MB21D2: variants seen among roughly 807,000 people sequenced by gnomAD.
The protein encoded by MB21D2 is nucleotidyltransferase MB21D2.
MB21D2 carries 9 observed loss-of-function variants against 33.3 expected under a neutral mutation model. The observed-to-expected ratio is 0.27, with a 90% CI of 0.16 to 0.47. The LOEUF is 0.47. MB21D2 is among the 20% of genes least tolerant of loss of function. The pLI is 0.99. For missense variants in MB21D2, 540 were observed against 624.6 expected, an observed-to-expected ratio of 0.86 and a Z score of 1.44; for synonymous variants, 241 against 236.3, an observed-to-expected ratio of 1.02 and a Z score of -0.18.
intron 1 of MB21D2, 52 bp downstream of exon 1, chr3:192,917,578 C>T: frequency 6.3e-7 from 1 of 1,592,786 alleles, no homozygotes; most frequent in Non-Finnish European, 8.6e-7. Flanking sequence ...TTCTACTCCG[C>T]TTCCCATCAC....
At chr3:192,856,569 C>G (rs1712922316) in intron 1 of MB21D2, among the ~76,000 whole-genome samples, 1 of 151,598 alleles carries the variant, frequency 6.6e-6, no homozygotes, top group African/African-American at 2.4e-5. Context: ...TGTTTTTTTT[C>G]TCTTAAGACA....
chr3:192,827,087 G>A (rs1015735661), intron 1 of MB21D2, among the ~76,000 whole-genome samples: 6 of 151,846 alleles, frequency 4.0e-5, no homozygotes, highest in African/African-American at 1.5e-4. Flanking sequence ...TAGTAGAGAC[G>A]GGGTTTCACC....
At chr3:192,913,152 C>T (rs1714389832) in intron 1 of MB21D2, among the ~76,000 whole-genome samples, 2 of 152,178 alleles carry the variant, frequency 1.3e-5, no homozygotes, top group African/African-American at 4.8e-5. Flanking sequence ...TCCCAGCACT[C>T]TGGGAGGTCA....
chr3:192,908,486 C>T (rs1468752160), intron 1 of MB21D2, among the ~76,000 whole-genome samples: 1 of 151,506 alleles, frequency 6.6e-6, no homozygotes, highest in East Asian at 1.9e-4. Context: ...GCAAGCTCCG[C>T]CTCCTGGGTT....
In MB21D2 at chr3:192,904,526, CTGCGGTTCTTAAAG is replaced by C. The variant is rs528969459; in HGVS notation, c.211+13090_211+13103del. Among the ~76,000 whole-genome samples the C allele has an allele frequency of 2.1e-3, 322 of 152,348 alleles. 2 individuals carry two copies. Among genetic ancestry groups the C allele is most frequent in the African/African-American group, 7.5e-3 (310 of 41,580 alleles). ...CAGACCCTCGGCCCCGGGCCCTTGG[CTGCGGTTCTTAAAG>C]TGCGGTCCCTCAACCAGCAGCAGCT... On this transcript the variant is annotated intron_variant, in intron 1 of 1. Transcript: ENST00000392452.
intron 1 of MB21D2, among the ~76,000 whole-genome samples, chr3:192,879,355 C>A (rs1468527835): frequency 1.3e-5 from 2 of 152,246 alleles, no homozygotes; most frequent in African/African-American, 4.8e-5. Flanking sequence ...GAGTGAAGGT[C>A]TCCAAGGGGA....
intron 1 of MB21D2, among the ~76,000 whole-genome samples, chr3:192,834,930 C>G (rs949194844): frequency 6.6e-6 from 1 of 150,726 alleles, no homozygotes; most frequent in Non-Finnish European, 1.5e-5. Flanking sequence ...CTGCCTCAGC[C>G]TCCCGAGTAG....
chr3:192,819,869 C>T (rs1712006476), intron 1 of MB21D2, among the ~76,000 whole-genome samples: 1 of 152,208 alleles, frequency 6.6e-6, no homozygotes, highest in Admixed American at 6.5e-5. Context: ...GTGCAGGCAG[C>T]TTGGAGAGCA....
At chr3:192,897,446 AG>A (rs1171719374) in intron 1 of MB21D2, among the ~76,000 whole-genome samples, 22 of 152,190 alleles carry the variant, frequency 1.4e-4, no homozygotes, top group African/African-American at 5.1e-4. Flanking sequence ...GCCATAAGAT[AG>A]AGATTAGTGA....
chr3:192,898,083 TTTA>T (rs1714016615), intron 1 of MB21D2, among the ~76,000 whole-genome samples: 1 of 152,196 alleles, frequency 6.6e-6, no homozygotes, highest in Admixed American at 6.5e-5. Flanking sequence ...ACTACTACTT[TTTA>T]AGTATATGTA....
chr3:192,855,797 G>T (rs1406466716), intron 1 of MB21D2, among the ~76,000 whole-genome samples: 1 of 152,214 alleles, frequency 6.6e-6, no homozygotes, highest in African/African-American at 2.4e-5. Context: ...GACAGTCTGG[G>T]CATGGTGGCT....
At chr3:192,887,442 C>A (rs1005915491) in intron 1 of MB21D2, among the ~76,000 whole-genome samples, 3 of 152,252 alleles carry the variant, frequency 2.0e-5, no homozygotes, top group Middle Eastern at 3.4e-3. Flanking sequence ...GTACTTAACA[C>A]TACTAAACTG....
intron 1 of MB21D2, among the ~76,000 whole-genome samples, chr3:192,861,507 T>C (rs767799906): frequency 6.6e-6 from 1 of 152,242 alleles, no homozygotes; most frequent in Non-Finnish European, 1.5e-5. Flanking sequence ...CAGTGACCTT[T>C]AACATAGACC....
At chr3:192,826,892 C>T (rs1368271903) in intron 1 of MB21D2, among the ~76,000 whole-genome samples, 3 of 151,480 alleles carry the variant, frequency 2.0e-5, no homozygotes, top group African/African-American at 7.3e-5. Flanking sequence ...TTTCCCTTTC[C>T]TTCTTTTTTT....
At chr3:192,886,375 T>C (rs1218632019) in intron 1 of MB21D2, among the ~76,000 whole-genome samples, 1 of 152,120 alleles carries the variant, frequency 6.6e-6, no homozygotes, top group Non-Finnish European at 1.5e-5. Context: ...TTCACGTACG[T>C]TGACTAGTTT....
chr3:192,906,643 T>A (rs1714221605), intron 1 of MB21D2, among the ~76,000 whole-genome samples: 1 of 152,236 alleles, frequency 6.6e-6, no homozygotes, highest in Non-Finnish European at 1.5e-5. Context: ...CCCACCATCA[T>A]CATATTCTTT....
At chr3:192,835,741 T>C (rs1712423159) in intron 1 of MB21D2, among the ~76,000 whole-genome samples, 1 of 151,650 alleles carries the variant, frequency 6.6e-6, no homozygotes, top group South Asian at 2.1e-4. Context: ...TGCTTAAATA[T>C]AACAAAACTC....
At chr3:192,844,398 G>A (rs969983952) in intron 1 of MB21D2, among the ~76,000 whole-genome samples, 6 of 152,196 alleles carry the variant, frequency 3.9e-5, no homozygotes, top group African/African-American at 1.4e-4. Context: ...TCATGTGGTT[G>A]TTTCAGAGGC....
intron 1 of MB21D2, among the ~76,000 whole-genome samples, chr3:192,890,006 G>A (rs909062655): frequency 7.2e-5 from 11 of 151,886 alleles, no homozygotes; most frequent in African/African-American, 2.7e-4. Context: ...AATAACACAT[G>A]TCTAATGCCA....
Sources: gnomAD v4.1 joint callset for allele counts (sites outside exome capture counted in the v4.1 genomes callset) on GRCh38, gnomAD v4.1.1 for gene constraint, MANE v1.5 for transcripts, NCBI Gene and HGNC (gene_info 2026-07-23, HGNC 2026-07-21) for gene names.